The following CDK6 variants were observed in gnomAD, a reference collection of about 807,000 sequenced individuals.
CDK6 encodes cyclin-dependent kinase 6.
In CDK6, 6 loss-of-function variants were observed where a neutral mutation model predicts 37.1. The observed-to-expected ratio is 0.16, with a 90% confidence interval of 0.09 to 0.32. The LOEUF is 0.32. Ranked by LOEUF, CDK6 falls within the 10% of genes least tolerant of loss-of-function variation. The pLI is 1.00. For missense variants in CDK6, 224 were observed against 418.9 expected, an observed-to-expected ratio of 0.53 and a Z score of 4.06; for synonymous variants, 160 against 161.3, an observed-to-expected ratio of 0.99 and a Z score of 0.06.
At chr7:92,623,829 C>G (rs1410545372) in intron 5 of CDK6, among the ~76,000 whole-genome samples, 1 of 152,200 alleles carries the variant, frequency 6.6e-6, no homozygotes, top group Admixed American at 6.5e-5. Context: ...GAGCTTTACT[C>G]TGACAGATGC....
chr7:92,686,008 T>G (rs894238310), intron 4 of CDK6, among the ~76,000 whole-genome samples: 1 of 152,214 alleles, frequency 6.6e-6, no homozygotes, highest in Admixed American at 6.5e-5. Context: ...TTACAGAATG[T>G]GGTGTTGCCC....
chr7:92,717,178 T>TAA (rs547680224), intron 4 of CDK6, among the ~76,000 whole-genome samples: 1 of 145,310 alleles, frequency 6.9e-6, no homozygotes, highest in Non-Finnish European at 1.5e-5. Context: ...CCCCATCTCT[T>TAA]AAAAAAAAAA....
At chr7:92,742,919 T>C (rs955096467) in intron 3 of CDK6, among the ~76,000 whole-genome samples, 2 of 152,172 alleles carry the variant, frequency 1.3e-5, no homozygotes, top group Admixed American at 1.3e-4. Context: ...ATGGGATGTT[T>C]GTGTTCCATA....
chr7:92,640,392 A>G (rs1396102351), intron 5 of CDK6, among the ~76,000 whole-genome samples: 1 of 152,222 alleles, frequency 6.6e-6, no homozygotes, highest in Non-Finnish European at 1.5e-5. Flanking sequence ...TGCAGCTGAT[A>G]GGATTTTTCA....
At chr7:92,762,262 A>C (rs1216999529) in intron 3 of CDK6, among the ~76,000 whole-genome samples, 3 of 152,086 alleles carry the variant, frequency 2.0e-5, no homozygotes, top group Admixed American at 6.5e-5. Flanking sequence ...ATGGTAAATA[A>C]ATCTCTCCTT....
chr7:92,717,971 C>T, intron 4 of CDK6, among the ~76,000 whole-genome samples: 1 of 152,120 alleles, frequency 6.6e-6, no homozygotes, highest in Non-Finnish European at 1.5e-5. Context: ...GTTTTATTAC[C>T]ACTGAGAACG....
intron 2 of CDK6, among the ~76,000 whole-genome samples, chr7:92,828,812 G>A (rs1247637134): frequency 1.3e-5 from 2 of 152,044 alleles, no homozygotes; most frequent in African/African-American, 2.4e-5. Flanking sequence ...GCATTATCAA[G>A]TTCTTCTGTA....
intron 4 of CDK6, among the ~76,000 whole-genome samples, chr7:92,698,999 T>C (rs528798516): frequency 8.5e-5 from 13 of 152,356 alleles, no homozygotes; most frequent in African/African-American, 2.2e-4. Context: ...TCAGAGACCA[T>C]GTCTCAATGA....
In CDK6 at chr7:92,614,775, G is replaced by C. The variant is rs1422812385; in HGVS notation, c.*365C>G. The C allele has an allele frequency of 1.3e-5, 4 of 310,432 alleles. No individual in the cohort carries two copies. The highest frequency in any genetic ancestry group is 2.4e-5 in the Non-Finnish European group (4 of 165,182). The allele number at this position is 310,432 out of a possible 1,614,324, so 19.2% of individuals were successfully genotyped here. Reference sequence around the variant, plus strand: ...TACCAAATCAGGCCCGGCAGCTGCAGAGAGATTACATCATAACTCAGCTGT... The same window carrying C: ...TACCAAATCAGGCCCGGCAGCTGCACAGAGATTACATCATAACTCAGCTGT... On this transcript the variant is annotated 3_prime_UTR_variant, in exon 8 of 8. Transcript: ENST00000424848.
At chr7:92,671,249 C>T (rs1797065367) in intron 5 of CDK6, 177 bp downstream of exon 5, 1 of 407,966 alleles carries the variant, frequency 2.5e-6, no homozygotes, top group Non-Finnish European at 4.3e-6. Flanking sequence ...TCATATAAAA[C>T]AACACTGTAA....
At chr7:92,679,484 A>G (rs12670783) in intron 4 of CDK6, among the ~76,000 whole-genome samples, 37,114 of 152,152 alleles carry the variant, frequency 0.24, 6,961 homozygotes, top group African/African-American at 0.5. Context: ...TGTCTCAAAT[A>G]CAAACATAGA....
chr7:92,726,404 T>C lies in CDK6; in HGVS notation c.370-611A>G, dbSNP rs76956807. On this transcript the variant is annotated intron_variant, in intron 3 of 7. Coordinates refer to ENST00000424848, the MANE Select transcript of CDK6 (RefSeq NM_001145306.2). ...GCCCAAAGTCATACTAGCAAGAGAG[T>C]GCTGATTAACTGTTTGTTTTTTTTT... 5.9e-5 allele frequency among the ~76,000 whole-genome samples: 9 copies of C among 151,820 alleles called. No individual in the cohort carries two copies. In the East Asian group the frequency reaches 1.2e-3, roughly 20 times the overall value.
At chr7:92,667,552 G>GT (rs112532643) in intron 5 of CDK6, among the ~76,000 whole-genome samples, 3,390 of 141,320 alleles carry the variant, frequency 0.024, 59 homozygotes, top group Non-Finnish European at 0.034. Context: ...AATTTAAAAA[G>GT]TTTTTTTTTT....
chr7:92,797,272 C>T (rs1328005961), intron 2 of CDK6, among the ~76,000 whole-genome samples: 1 of 152,138 alleles, frequency 6.6e-6, no homozygotes, highest in East Asian at 1.9e-4. Context: ...GTCCACAATG[C>T]AAGTATCCTA....
chr7:92,694,815 A>C (rs546465701), intron 4 of CDK6, among the ~76,000 whole-genome samples: 1 of 152,342 alleles, frequency 6.6e-6, no homozygotes, highest in Non-Finnish European at 1.5e-5. Context: ...TGTCTCTGAA[A>C]TAGAAAATTA....
At position 92,611,559 on chromosome 7, in the gene CDK6, T is replaced by A. The variant is rs565327825; in HGVS notation, c.*3581A>T. ...CAATAATGGCCATTACTGACTTTAA[T>A]AGGCACCACTTGTAAAAGAAGCAGC... On this transcript the variant is annotated 3_prime_UTR_variant, in exon 8 of 8. Transcript: ENST00000424848. The A allele has an allele frequency of 4.8e-5, 11 of 227,976 alleles. No homozygotes were observed. Among genetic ancestry groups the A allele is most frequent in the African/African-American group, 2.0e-4 (9 of 45,078 alleles). 14.1% of individuals were successfully genotyped at this position (227,976 alleles called of 1,614,324 possible).
chr7:92,674,100 T>G (rs535505536), intron 4 of CDK6, among the ~76,000 whole-genome samples: 50 of 151,866 alleles, frequency 3.3e-4, no homozygotes, highest in Middle Eastern at 3.4e-3. Context: ...TTTTTTTTTT[T>G]TTGAGTTCTT....
intron 3 of CDK6, among the ~76,000 whole-genome samples, chr7:92,764,759 ATTAC>A (rs1019245388): frequency 6.6e-6 from 1 of 152,218 alleles, no homozygotes; most frequent in African/African-American, 2.4e-5. Flanking sequence ...TCATTCAACA[ATTAC>A]TTACTAGAAC....
At chr7:92,750,984 A>T (rs1016343471) in intron 3 of CDK6, among the ~76,000 whole-genome samples, 2 of 152,198 alleles carry the variant, frequency 1.3e-5, no homozygotes, top group South Asian at 2.1e-4. Flanking sequence ...TACAGACGTC[A>T]TATTTGATCA....
Sources: gnomAD v4.1 joint callset for allele counts (sites outside exome capture counted in the v4.1 genomes callset) on GRCh38, gnomAD v4.1.1 for gene constraint, MANE v1.5 for transcripts, NCBI Gene and HGNC (gene_info 2026-07-23, HGNC 2026-07-21) for gene names.